Variants in GRAMD1B observed in about 807,000 individuals in gnomAD.
The protein encoded by GRAMD1B is GRAM domain containing 1B, also known as protein Aster-B.
Under a neutral mutation model 99.7 loss-of-function variants are expected in GRAMD1B, and 37 were observed. The ratio of observed to expected loss-of-function variants is 0.37; its 90% CI spans 0.29 to 0.49. GRAMD1B has a LOEUF of 0.49. Ranked by LOEUF, GRAMD1B falls within the 20% of genes least tolerant of loss-of-function variation. The probability of loss-of-function intolerance (pLI) is 0.98; values close to 1 mark genes in which losing one functional copy is unlikely to be tolerated. For missense variants in GRAMD1B, 888 were observed against 1,009.2 expected (o/e 0.88, Z 1.63); for synonymous variants, 427 against 387.6 (o/e 1.10, Z -1.19).
chr11:123,491,205 G>C (rs896825072), intron 2 of GRAMD1B, among the ~76,000 whole-genome samples: 1 of 152,134 alleles, frequency 6.6e-6, no homozygotes, highest in Admixed American at 6.6e-5. Flanking sequence ...GGTGGTGCAC[G>C]TCATGCTAGA....
intron 3 of GRAMD1B, among the ~76,000 whole-genome samples, chr11:123,580,224 C>T (rs1026516995): frequency 6.6e-6 from 1 of 152,184 alleles, no homozygotes; most frequent in Non-Finnish European, 1.5e-5. Context: ...ACACAGACTT[C>T]AGAAGAGGAA....
chr11:123,407,771 G>A (rs1947905842), intron 1 of GRAMD1B, among the ~76,000 whole-genome samples: 1 of 152,160 alleles, frequency 6.6e-6, no homozygotes, highest in Admixed American at 6.5e-5. Flanking sequence ...TGCATTCATT[G>A]ATTAACAGGT....
intron 2 of GRAMD1B, among the ~76,000 whole-genome samples, chr11:123,491,174 A>C (rs1348366034): frequency 6.6e-6 from 1 of 152,174 alleles, no homozygotes; most frequent in Non-Finnish European, 1.5e-5. Context: ...CTCTACTAAA[A>C]ATACAAAAAT....
intron 2 of GRAMD1B, among the ~76,000 whole-genome samples, chr11:123,506,850 C>T (rs774494483): frequency 6.6e-6 from 1 of 152,050 alleles, no homozygotes; most frequent in Non-Finnish European, 1.5e-5. Flanking sequence ...CTGCCCAGCC[C>T]CACTGTTCCC....
At chr11:123,618,270 C>T in intron 17 of GRAMD1B, 1 of 1,236,118 alleles carries the variant, frequency 8.1e-7, no homozygotes, top group Non-Finnish European at 1.2e-6. Context: ...ATTTTCAGTG[C>T]AGGTTTCCCC....
chr11:123,453,129 A>T (rs769006284), intron 1 of GRAMD1B, among the ~76,000 whole-genome samples: 1 of 152,170 alleles, frequency 6.6e-6, no homozygotes, highest in Non-Finnish European at 1.5e-5. Flanking sequence ...TCAGTTCAAC[A>T]GTATCCTTAG....
chr11:123,410,798 A>C (rs1948020251), intron 1 of GRAMD1B, among the ~76,000 whole-genome samples: 1 of 152,156 alleles, frequency 6.6e-6, no homozygotes, highest in Non-Finnish European at 1.5e-5. Flanking sequence ...TCATTAGAAG[A>C]CATGAGATCA....
chr11:123,448,995 T>C (rs1362572296), intron 1 of GRAMD1B, among the ~76,000 whole-genome samples: 1 of 152,258 alleles, frequency 6.6e-6, no homozygotes, highest in Non-Finnish European at 1.5e-5. Context: ...CCAGCCAGTC[T>C]GACCTTTTAG....
rs572687401 is a variant in GRAMD1B, at chr11:123,594,727, T to C, written c.770-8T>C. 3 of 1,477,406 alleles carry C rather than the reference T, an allele frequency of 2.0e-6. No homozygotes were observed. Among genetic ancestry groups the C allele is most frequent in the South Asian group, 2.3e-5 (2 of 88,372 alleles). 91.5% of individuals were successfully genotyped at this position (1,477,406 alleles called of 1,614,324 possible). A position where few individuals can be genotyped will look rare whatever the true frequency, so the allele number is the denominator to read the frequency against. ...CTCTGAGCTCCCCTACCTCCGCTCC[T>C]ACCACAGATTACTCATGTGCACTCC... On this transcript the variant is annotated splice_polypyrimidine_tract_variant and splice_region_variant and intron_variant, in intron 5 of 19. Coordinates refer to ENST00000635736, the MANE Select transcript of GRAMD1B (RefSeq NM_001387025.1).
At chr11:123,555,106 T>C (rs1182164529) in intron 2 of GRAMD1B, among the ~76,000 whole-genome samples, 1 of 152,056 alleles carries the variant, frequency 6.6e-6, no homozygotes, top group Non-Finnish European at 1.5e-5. Flanking sequence ...TGACAAGATA[T>C]AACATTGTGC....
chr11:123,417,914 C>A (rs566897615), intron 1 of GRAMD1B, among the ~76,000 whole-genome samples: 12 of 152,266 alleles, frequency 7.9e-5, no homozygotes, highest in African/African-American at 2.9e-4. Flanking sequence ...GCACATGCCT[C>A]TATGCCTGGC....
At position 123,406,077 on chromosome 11, in the gene GRAMD1B, C is replaced by A. The variant is rs528509659; in HGVS notation, c.-176+47278C>A. On this transcript the variant is annotated intron_variant, in intron 1 of 20. Transcript: ENST00000638157. Reference sequence around the variant, plus strand: ...TTGCCCAGGCTGGAGTGCAGTGATGCGATCTCAGCTCTCTGCAACCTCTGC... The same window carrying A: ...TTGCCCAGGCTGGAGTGCAGTGATGAGATCTCAGCTCTCTGCAACCTCTGC... Among the ~76,000 whole-genome samples, 6 of 149,928 alleles carry A rather than the reference C, an allele frequency of 4.0e-5. No homozygotes were observed. The East Asian group carries it at 1.2e-3, about 30-fold the overall frequency.
chr11:123,517,265 CAGAA>C (rs1294062075), intron 2 of GRAMD1B, among the ~76,000 whole-genome samples: 3 of 152,148 alleles, frequency 2.0e-5, no homozygotes, highest in South Asian at 2.1e-4. Flanking sequence ...ATTGACCTAA[CAGAA>C]AGAGCACAAA....
intron 1 of GRAMD1B, among the ~76,000 whole-genome samples, chr11:123,451,431 T>G (rs1949882799): frequency 6.6e-6 from 1 of 152,218 alleles, no homozygotes; most frequent in African/African-American, 2.4e-5. Context: ...AGAGGTTGTG[T>G]CATGTCACTT....
chr11:123,464,964 G>A (rs1175657148), intron 1 of GRAMD1B, among the ~76,000 whole-genome samples: 1 of 152,102 alleles, frequency 6.6e-6, no homozygotes, highest in East Asian at 1.9e-4. Context: ...GCGGGAAGGG[G>A]TAGTTTTGGA....
intron 2 of GRAMD1B, among the ~76,000 whole-genome samples, chr11:123,485,351 G>A (rs934008105): frequency 1.1e-4 from 16 of 152,122 alleles, no homozygotes; most frequent in African/African-American, 3.6e-4. Flanking sequence ...GGTTCAGAAC[G>A]GTTATAGTAT....
intron 2 of GRAMD1B, among the ~76,000 whole-genome samples, chr11:123,511,972 G>A (rs1431214314): frequency 6.6e-6 from 1 of 152,218 alleles, no homozygotes; most frequent in Non-Finnish European, 1.5e-5. Flanking sequence ...AATCAGTTTA[G>A]ATCTGTCAAA....
chr11:123,476,696 C>T (rs1280322368), intron 1 of GRAMD1B, among the ~76,000 whole-genome samples: 1 of 152,186 alleles, frequency 6.6e-6, no homozygotes, highest in Non-Finnish European at 1.5e-5. Context: ...GCTGGAGAGA[C>T]CTTGTCCTGA....
At chr11:123,605,873 T>C (rs73029854) in intron 10 of GRAMD1B, among the ~76,000 whole-genome samples, 1,564 of 152,310 alleles carry the variant, frequency 0.01, 13 homozygotes, top group Non-Finnish European at 0.014. Flanking sequence ...CTCATTTGGT[T>C]GATATTTGTT....
Sources: allele counts gnomAD v4.1 joint callset (sites outside exome capture counted in the v4.1 genomes callset), GRCh38; gene constraint gnomAD v4.1.1; transcripts MANE v1.5; gene names NCBI Gene and HGNC (gene_info 2026-07-23, HGNC 2026-07-21).